The following DDX18 variants were observed in gnomAD, a reference collection of about 807,000 sequenced individuals.
DDX18 encodes DEAD-box helicase 18, also known as ATP-dependent RNA helicase DDX18.
DDX18 carries 23 observed loss-of-function variants against 73.5 expected under a neutral mutation model. The observed-to-expected ratio is 0.31, with a 90% CI of 0.23 to 0.44. The LOEUF is 0.44. DDX18 is among the 20% of genes least tolerant of loss of function. The pLI, the probability that DDX18 is intolerant of heterozygous loss-of-function variation, is 1.00. For synonymous variants in DDX18, 268 were observed against 282.7 expected (o/e 0.95, Z 0.52); for missense variants, 753 against 792.9 (o/e 0.95, Z 0.60).
Position 117,822,301 on chromosome 2 carries a change from G to T in DDX18, c.1066+40G>T, listed in dbSNP as rs746612648. On this transcript the variant is annotated intron_variant, in intron 7 of 13. Transcript: ENST00000263239. Reference sequence around the variant, plus strand: ...TCTGCATTTGGTTTGCAAAGTATCTGTTGGAGGTAGATAAGAGTTGTTCCT... The same window carrying T: ...TCTGCATTTGGTTTGCAAAGTATCTTTTGGAGGTAGATAAGAGTTGTTCCT... 5.4e-6 allele frequency: 8 copies of T among 1,485,808 alleles called. No individual in the cohort carries two copies. In the African/African-American group the frequency reaches 1.1e-4, roughly 21 times the overall value. 92.0% of individuals were successfully genotyped at this position (1,485,808 alleles called of 1,614,324 possible).
In DDX18 at chr2:117,832,295, TAA is replaced by T. The variant is rs1205868394; in HGVS notation, c.*1572_*1573del. 6.6e-6 allele frequency: 1 copy of T among 152,250 alleles called. No homozygotes were observed. Among genetic ancestry groups the T allele is most frequent in the African/African-American group, 2.4e-5 (1 of 41,464 alleles). The allele number at this position is 152,250 out of a possible 1,614,324, so 9.4% of individuals were successfully genotyped here. A position where few individuals can be genotyped will look rare whatever the true frequency, so the allele number is the denominator to read the frequency against. On this transcript the variant is annotated 3_prime_UTR_variant, in exon 14 of 14. Transcript: ENST00000263239. ...GCTTTTTAATTTTTTTATCAAAAAT[TAA>T]GTCATCTACCTACTACTTGTAACCA...
chr2:117,826,034 CTTTTTTTTT>C (rs59119058), intron 10 of DDX18: 7 of 97,282 alleles, frequency 7.2e-5, no homozygotes, highest in African/African-American at 2.5e-4. Context: ...CATGTCCAGC[CTTTTTTTTT>C]TTTTTTTTTT....
chr2:117,826,485 T>TA, intron 11 of DDX18, 103 bp downstream of exon 11: 2 of 1,058,688 alleles, frequency 1.9e-6, no homozygotes, highest in East Asian at 2.6e-5. Context: ...CCAGTGCTGT[T>TA]ACAACCATTC....
In DDX18 at chr2:117,821,315, C is replaced by T. The variant is rs1253290636; in HGVS notation, c.650+19C>T. ...AAGGCAGGTATGATTAACATTGAAG[C>T]TTAGATATTGGCATCTATTTTTAGA... On this transcript the variant is annotated intron_variant, in intron 4 of 13. Coordinates refer to ENST00000263239, the MANE Select transcript of DDX18 (RefSeq NM_006773.4). 2 of 1,587,368 alleles carry T rather than the reference C, an allele frequency of 1.3e-6. No individual in the cohort carries two copies. Among genetic ancestry groups the T allele is most frequent in the African/African-American group, 1.4e-5 (1 of 73,300 alleles).
intron 9 of DDX18, 150 bp from the exon 10 acceptor site, chr2:117,825,297 C>G: frequency 8.4e-7 from 1 of 1,184,038 alleles, no homozygotes. Context: ...AAGACACCAT[C>G]CTCCTTGAGG....
intron 1 of DDX18, 114 bp downstream of exon 1, chr2:117,814,976 G>T: frequency 9.4e-7 from 1 of 1,069,418 alleles, no homozygotes. Flanking sequence ...CCTGCAGCGT[G>T]TGTGATTGGG....
At chr2:117,825,423 A>G (rs2104624705) in intron 9 of DDX18, 24 bp from the exon 10 acceptor site, 10 of 1,604,028 alleles carry the variant, frequency 6.2e-6, no homozygotes, top group African/African-American at 5.3e-5. Context: ...TCCAGCTCTA[A>G]TGGATGTTTT....
rs1679904010 is a variant in DDX18, at chr2:117,825,174, AT to A, written c.1368+75del. 1.9e-5 allele frequency: 29 copies of A among 1,514,740 alleles called. No individual in the cohort carries two copies. The South Asian group carries it at 3.5e-4, about 18-fold the overall frequency. 93.8% of individuals were successfully genotyped at this position (1,514,740 alleles called of 1,614,324 possible). A position where few individuals can be genotyped will look rare whatever the true frequency, so the allele number is the denominator to read the frequency against. ...TCCTATAGATTGTAGGATTGGAGGT[AT>A]TGCCCTCTCCTGGAAACATTGTTCT... On this transcript the variant is annotated intron_variant, in intron 9 of 13. Transcript: ENST00000263239.
Position 117,817,437 on chromosome 2 carries a change from T to C in DDX18, c.86-7T>C, listed in dbSNP as rs562155726. ...TGTCACAGTATATGTTCTGTTTATT[T>C]AAACAGGGGCCTCAAATCTGACCCT... On this transcript the variant is annotated splice_region_variant and splice_polypyrimidine_tract_variant and intron_variant, in intron 1 of 13. Coordinates refer to ENST00000263239, the MANE Select transcript of DDX18 (RefSeq NM_006773.4). 1.9e-5 allele frequency: 30 copies of C among 1,589,890 alleles called. 1 individual carries two copies. In the South Asian group the frequency reaches 3.2e-4, roughly 17 times the overall value.
intron 1 of DDX18, 111 bp from the exon 2 acceptor site, chr2:117,817,333 A>C (rs1679776050): frequency 1.9e-6 from 2 of 1,050,114 alleles, no homozygotes; most frequent in Non-Finnish European, 2.7e-6. Flanking sequence ...AAGAGAAGAA[A>C]ATCTAAATAA....
At chr2:117,821,558 A>G in intron 4 of DDX18, 92 bp from the exon 5 acceptor site, 8 of 1,401,856 alleles carry the variant, frequency 5.7e-6, no homozygotes, top group African/African-American at 2.9e-5. Flanking sequence ...TTTCTTGTTC[A>G]TGTTCTAGCC....
At position 117,819,661 on chromosome 2, in the gene DDX18, C is replaced by A; in HGVS notation, c.383C>A (p.Ala128Glu). The A allele has an allele frequency of 1.9e-6, 3 of 1,577,852 alleles. No homozygotes were observed. The highest frequency in any genetic ancestry group is 2.3e-5 in the East Asian group (1 of 44,162). The change falls in exon 3 of 14, where the codon GCA becomes GAA. Residue 128 changes from alanine to glutamate, a missense_variant. Coordinates refer to ENST00000263239, the MANE Select transcript of DDX18 (RefSeq NM_006773.4). ...VNDAEPDTKK[A>E]KTENKGKSEE... is the part of the protein sequence containing the mutation. Reference sequence around the variant, plus strand: ...TTTAAAACCAAAGATACGAAAAAAGCAAAAACTGAAAACAAAGGGAAATCT... The same window carrying A: ...TTTAAAACCAAAGATACGAAAAAAGAAAAAACTGAAAACAAAGGGAAATCT...
At chr2:117,825,405 C>CTCT in intron 9 of DDX18, 42 bp from the exon 10 acceptor site, 1 of 1,590,874 alleles carries the variant, frequency 6.3e-7, no homozygotes, top group Non-Finnish European at 8.6e-7. Context: ...GCTAGTCTTC[C>CTCT]TCAAGATTCC....
chr2:117,828,228 C>G (rs1219341745), intron 11 of DDX18: 1 of 152,062 alleles, frequency 6.6e-6, no homozygotes, highest in Non-Finnish European at 1.5e-5. Flanking sequence ...GATATTAGTC[C>G]TAGCCAAAAT....
intron 11 of DDX18, 74 bp downstream of exon 11, chr2:117,826,456 AGAGGAGTCTC>A: frequency 7.1e-7 from 1 of 1,413,982 alleles, no homozygotes; most frequent in African/African-American, 1.4e-5. Flanking sequence ...TACATGTGTC[AGAGGAGTCTC>A]GAGTCTGGCC....
intron 9 of DDX18, 133 bp from the exon 10 acceptor site, chr2:117,825,314 C>A: frequency 7.9e-7 from 1 of 1,262,926 alleles, no homozygotes; most frequent in Non-Finnish European, 1.1e-6. Flanking sequence ...GAGGGGCTTG[C>A]GGAACAGTTG....
chr2:117,823,353 C>T (rs923576630), intron 7 of DDX18, among the ~76,000 whole-genome samples: 2 of 152,076 alleles, frequency 1.3e-5, no homozygotes, highest in African/African-American at 2.4e-5. Context: ...TAGGGGGGTT[C>T]GGGATACAGG....
At chr2:117,821,385 G>T in intron 4 of DDX18, 89 bp downstream of exon 4, 1 of 1,458,008 alleles carries the variant, frequency 6.9e-7, no homozygotes, top group Non-Finnish European at 9.3e-7. Flanking sequence ...TGTTGATTTT[G>T]TACTATATGT....
At position 117,831,341 on chromosome 2, in the gene DDX18, T is replaced by C. The variant is rs1369346376; in HGVS notation, c.*617T>C. The C allele has an allele frequency of 6.6e-6, 1 of 152,244 alleles. No individual in the cohort carries two copies. The highest frequency in any genetic ancestry group is 2.4e-5 in the African/African-American group (1 of 41,456). 9.4% of individuals were successfully genotyped at this position (152,244 alleles called of 1,614,324 possible). On this transcript the variant is annotated 3_prime_UTR_variant, in exon 14 of 14. Coordinates refer to ENST00000263239, the MANE Select transcript of DDX18 (RefSeq NM_006773.4). ...AACAGGCCTTTCTCAGGTGTTGCATTTTTTGGAGCAAAAACTATGGGTTGT... is the reference window on the plus strand; with the variant it reads ...AACAGGCCTTTCTCAGGTGTTGCATCTTTTGGAGCAAAAACTATGGGTTGT...
Sources: gnomAD v4.1 joint callset for allele counts (sites outside exome capture counted in the v4.1 genomes callset) on GRCh38, gnomAD v4.1.1 for gene constraint, MANE v1.5 for transcripts, NCBI Gene and HGNC (gene_info 2026-07-23, HGNC 2026-07-21) for gene names.